Variants in RNF144A observed in about 807,000 individuals in gnomAD.
The protein encoded by RNF144A is ring finger protein 144A.
A neutral mutation model predicts 38.7 loss-of-function variants in RNF144A; 11 were observed. That is an observed-to-expected ratio of 0.28 (90% CI 0.18 to 0.47). The LOEUF (loss-of-function observed/expected upper bound fraction) is 0.47. Among genes scored for constraint, RNF144A ranks in the 20% least tolerant of loss-of-function variants. The pLI, the probability that RNF144A is intolerant of heterozygous loss-of-function variation, is 0.99. For missense variants in RNF144A, 316 were observed against 377.2 expected, an observed-to-expected ratio of 0.84 and a Z score of 1.34; for synonymous variants, 149 against 143.9, an observed-to-expected ratio of 1.04 and a Z score of -0.25.
intron 3 of RNF144A, among the ~76,000 whole-genome samples, chr2:7,003,011 T>A (rs1392535058): frequency 2.0e-5 from 3 of 151,866 alleles, no homozygotes; most frequent in Non-Finnish European, 4.4e-5. Context: ...AATAAAAAAA[T>A]TTACAAATAG....
chr2:7,065,228 C>A (rs1674158487), intron 6 of RNF144A, among the ~76,000 whole-genome samples: 3 of 152,180 alleles, frequency 2.0e-5, no homozygotes, highest in Admixed American at 1.3e-4. Flanking sequence ...GGATTTAGAT[C>A]AACACTGGAA....
chr2:6,953,612 T>C (rs1016274077), intron 2 of RNF144A, among the ~76,000 whole-genome samples: 3 of 152,238 alleles, frequency 2.0e-5, no homozygotes, highest in African/African-American at 7.2e-5. Context: ...AATATCTATC[T>C]TAATTGCATT....
chr2:7,014,206 G>A (rs938221688), intron 3 of RNF144A, among the ~76,000 whole-genome samples: 50 of 152,204 alleles, frequency 3.3e-4, no homozygotes, highest in African/African-American at 1.2e-3. Context: ...GTTTTGTGCC[G>A]GGATCTAACC....
chr2:7,055,818 C>T (rs1404403035), intron 6 of RNF144A, among the ~76,000 whole-genome samples: 2 of 152,168 alleles, frequency 1.3e-5, no homozygotes, highest in African/African-American at 4.8e-5. Flanking sequence ...AAAGCATCCA[C>T]GGAGCAAAAC....
chr2:6,971,943 A>G (rs542386420), intron 2 of RNF144A, among the ~76,000 whole-genome samples: 8 of 152,240 alleles, frequency 5.3e-5, no homozygotes, highest in East Asian at 1.9e-4. Context: ...TCTTTTCTTA[A>G]TAGTTTGCAA....
chr2:6,962,445 T>C lies in RNF144A; in HGVS notation c.-12+21298T>C, dbSNP rs147259711. On this transcript the variant is annotated intron_variant, in intron 2 of 8. Transcript: ENST00000320892. The surrounding 1 kb of genome is among the most constrained non-coding windows in gnomAD (Gnocchi z 4.1). Reference sequence around the variant, plus strand: ...GTTTGCAGCTCCATTTCTCAGGCTGTTCTTTGTTACAAGAGAAATGATTTT... The same window carrying C: ...GTTTGCAGCTCCATTTCTCAGGCTGCTCTTTGTTACAAGAGAAATGATTTT... 9.3e-3 allele frequency among the ~76,000 whole-genome samples: 1,422 copies of C among 152,324 alleles called. 24 individuals are homozygous for C. The highest frequency in any genetic ancestry group is 0.032 in the African/African-American group (1,330 of 41,570).
intron 7 of RNF144A, among the ~76,000 whole-genome samples, chr2:7,028,686 C>T (rs185481323): frequency 2.1e-3 from 321 of 152,172 alleles, no homozygotes; most frequent in Non-Finnish European, 3.9e-3. Context: ...TTAATGTCAG[C>T]GCAAAGGAAA....
chr2:7,012,863 A>T (rs1260476762), intron 3 of RNF144A, among the ~76,000 whole-genome samples: 1 of 152,182 alleles, frequency 6.6e-6, no homozygotes, highest in Non-Finnish European at 1.5e-5. Context: ...ATAGGTTGGT[A>T]AAATGTAGAT....
chr2:6,957,171 C>T (rs367719056), intron 2 of RNF144A, among the ~76,000 whole-genome samples: 1 of 152,166 alleles, frequency 6.6e-6, no homozygotes, highest in Non-Finnish European at 1.5e-5. Flanking sequence ...TCGTGAGAGC[C>T]CTTCTCGTTG....
chr2:6,973,920 T>A (rs556981239), intron 2 of RNF144A, among the ~76,000 whole-genome samples: 1 of 152,224 alleles, frequency 6.6e-6, no homozygotes, highest in Non-Finnish European at 1.5e-5. Flanking sequence ...ATATTTTCCA[T>A]CTTGCTCTTA....
rs907307685 is a variant in RNF144A at position 7,040,114 on chromosome 2, C to A, written c.*354C>A. The A allele has an allele frequency of 3.5e-4, 353 of 1,020,628 alleles. 5 individuals carry two copies. The highest frequency in any genetic ancestry group is 1.9e-3 in the Middle Eastern group (4 of 2,086). The allele number at this position is 1,020,628 out of a possible 1,614,324, so 63.2% of individuals were successfully genotyped here. On this transcript the variant is annotated 3_prime_UTR_variant, in exon 9 of 9. Transcript: ENST00000320892. ...TCTGCTCCTTGGCTTCTAGATGGCA[C>A]CATGTTGTCAGAGAAGTCTTTTAAG... is the stretch of plus-strand genomic sequence containing the variant.
At chr2:7,032,110 G>C (rs916674356) in intron 8 of RNF144A, among the ~76,000 whole-genome samples, 6 of 152,284 alleles carry the variant, frequency 3.9e-5, no homozygotes, top group African/African-American at 1.4e-4. Flanking sequence ...GGGCCATGGC[G>C]TACTGCCCTC....
chr2:7,017,185 C>A (rs1340447646), intron 5 of RNF144A, among the ~76,000 whole-genome samples: 2 of 152,332 alleles, frequency 1.3e-5, no homozygotes, highest in East Asian at 3.9e-4. Flanking sequence ...TGTGCACCTG[C>A]CTCTATCTGG....
intron 2 of RNF144A, among the ~76,000 whole-genome samples, chr2:6,973,469 C>T (rs1324058661): frequency 6.6e-6 from 1 of 152,152 alleles, no homozygotes; most frequent in East Asian, 1.9e-4. Context: ...TGGAAGGTGG[C>T]CCGGGTAGCA....
At chr2:6,959,786 A>G (rs1247440764) in intron 2 of RNF144A, among the ~76,000 whole-genome samples, 4 of 151,518 alleles carry the variant, frequency 2.6e-5, no homozygotes, top group Non-Finnish European at 4.4e-5. Context: ...CTTAAAGATC[A>G]CCACCCCCCC....
Position 7,020,689 on chromosome 2 carries a change from T to C in RNF144A, c.509+9T>C. 1 of 1,598,564 alleles carries C rather than the reference T, an allele frequency of 6.3e-7. No homozygotes were observed. The highest frequency in any genetic ancestry group is 8.5e-7 in the Non-Finnish European group (1 of 1,177,774). On this transcript the variant is annotated intron_variant, in intron 6 of 8. Transcript: ENST00000320892. Reference sequence around the variant, plus strand: ...CTCCCCGGGGAGACCAGGTACCCTTTGTACACAAGCTGCCACCAAAGGCAT... The same window carrying C: ...CTCCCCGGGGAGACCAGGTACCCTTCGTACACAAGCTGCCACCAAAGGCAT...
At chr2:7,074,756 AAGAAG>A in the RNF144A span, 1 of 153,482 alleles carries the variant, frequency 6.5e-6, no homozygotes, top group Non-Finnish European at 1.5e-5. Context: ...TTCTAGGTGG[AAGAAG>A]AGAAAGGAAG....
At chr2:6,981,084 G>T (rs1040396448) in intron 2 of RNF144A, among the ~76,000 whole-genome samples, 14 of 152,162 alleles carry the variant, frequency 9.2e-5, no homozygotes, top group African/African-American at 3.1e-4. Context: ...GAGCAGCTGA[G>T]GCCTGGGCCT....
chr2:7,030,947 C>A (rs1672256110), intron 8 of RNF144A, among the ~76,000 whole-genome samples: 1 of 152,044 alleles, frequency 6.6e-6, no homozygotes, highest in Non-Finnish European at 1.5e-5. Context: ...CAACCCAGAT[C>A]CCTCGCATGC....
Sources: gnomAD v4.1 joint callset for allele counts (sites outside exome capture counted in the v4.1 genomes callset) on GRCh38, gnomAD v4.1.1 for gene constraint, Gnocchi (gnomAD v3.1) non-coding constraint, MANE v1.5 for transcripts, NCBI Gene and HGNC (gene_info 2026-07-23, HGNC 2026-07-21) for gene names.